The following UVRAG variants were observed in gnomAD, a reference collection of about 807,000 sequenced individuals.
UVRAG encodes the protein UV radiation resistance-associated gene protein.
UVRAG carries 19 observed loss-of-function variants against 78.0 expected under a neutral mutation model. The observed-to-expected ratio is 0.24, with a 90% confidence interval of 0.17 to 0.36. The LOEUF (loss-of-function observed/expected upper bound fraction) is 0.36, where lower values mean the gene tolerates loss of function less well. Among genes scored for constraint, UVRAG ranks in the 10% least tolerant of loss-of-function variants. The pLI, the probability that UVRAG is intolerant of heterozygous loss-of-function variation, is 1.00. For missense variants in UVRAG, 740 were observed against 853.8 expected, an observed-to-expected ratio of 0.87 and a Z score of 1.66; for synonymous variants, 323 against 324.6, an observed-to-expected ratio of 1.00 and a Z score of 0.05.
intron 6 of UVRAG, among the ~76,000 whole-genome samples, chr11:75,951,315 A>G (rs1275458406): frequency 3.5e-5 from 5 of 143,748 alleles, no homozygotes; most frequent in Admixed American, 7.2e-5. Flanking sequence ...GATTCTTTCT[A>G]TAATCTGAAA....
Position 75,926,769 on chromosome 11 carries a change from C to G in UVRAG, c.593+14730C>G, listed in dbSNP as rs139386571. 2.9e-3 allele frequency among the ~76,000 whole-genome samples: 440 copies of G among 151,036 alleles called. 5 individuals carry two copies. The highest frequency in any genetic ancestry group is 0.01 in the African/African-American group (423 of 41,134). On this transcript the variant is annotated intron_variant, in intron 6 of 14. Transcript: ENST00000356136. Reference sequence around the variant, plus strand: ...TGATTTTAAAGCAGTCATGTAAAGACTAGTTGGGAATAGAGGATATTTAGA... The same window carrying G: ...TGATTTTAAAGCAGTCATGTAAAGAGTAGTTGGGAATAGAGGATATTTAGA...
chr11:75,904,037 T>C (rs973598660), intron 5 of UVRAG, among the ~76,000 whole-genome samples: 2 of 152,216 alleles, frequency 1.3e-5, no homozygotes, highest in African/African-American at 4.8e-5. Flanking sequence ...TATTTTTGTA[T>C]AGCTTGCGAC....
intron 6 of UVRAG, among the ~76,000 whole-genome samples, chr11:75,923,361 G>A (rs1193387278): frequency 6.6e-6 from 1 of 152,018 alleles, no homozygotes; most frequent in East Asian, 1.9e-4. Flanking sequence ...TGTTGTTATG[G>A]GGGGAGGTAT....
chr11:76,112,397 T>C (rs1952091100), intron 13 of UVRAG, among the ~76,000 whole-genome samples: 1 of 152,174 alleles, frequency 6.6e-6, no homozygotes, highest in Non-Finnish European at 1.5e-5. Context: ...ATTCAGGGTG[T>C]CATGAAAGTT....
chr11:75,859,919 T>C (rs1019714864), intron 2 of UVRAG, among the ~76,000 whole-genome samples: 11 of 152,194 alleles, frequency 7.2e-5, no homozygotes, highest in Non-Finnish European at 1.5e-4. Context: ...ATTGTTTTGT[T>C]TGATTTATTC....
intron 14 of UVRAG, among the ~76,000 whole-genome samples, chr11:76,134,398 G>A (rs1241195577): frequency 5.3e-5 from 8 of 151,872 alleles, no homozygotes; most frequent in Non-Finnish European, 8.8e-5. Context: ...CTAAGTGCTG[G>A]GACTACAGAC....
intron 7 of UVRAG, among the ~76,000 whole-genome samples, chr11:75,970,233 A>G (rs1949098123): frequency 6.6e-6 from 1 of 152,210 alleles, no homozygotes; most frequent in Non-Finnish European, 1.5e-5. Flanking sequence ...GGAGAAAAAA[A>G]GAGGCTGAGT....
intron 3 of UVRAG, among the ~76,000 whole-genome samples, chr11:75,865,776 G>A (rs553447342): frequency 1.3e-5 from 2 of 152,010 alleles, no homozygotes; most frequent in South Asian, 2.1e-4. Context: ...CAGCATGCCC[G>A]GCTAATTTTT....
chr11:76,099,272 C>T (rs896376133), intron 13 of UVRAG, among the ~76,000 whole-genome samples: 1 of 152,198 alleles, frequency 6.6e-6, no homozygotes, highest in African/African-American at 2.4e-5. Context: ...GAAGCATTTA[C>T]AGTCGTCTTG....
intron 12 of UVRAG, among the ~76,000 whole-genome samples, chr11:76,060,003 T>C (rs150447212): frequency 6.6e-5 from 10 of 152,362 alleles, no homozygotes; most frequent in African/African-American, 2.4e-4. Flanking sequence ...TGTGAGGCTC[T>C]GAAGGTGAAG....
chr11:76,100,101 G>A (rs1951852733), intron 13 of UVRAG, among the ~76,000 whole-genome samples: 1 of 152,068 alleles, frequency 6.6e-6, no homozygotes, highest in Non-Finnish European at 1.5e-5. Flanking sequence ...TAATTGTCCA[G>A]TCTGCTTTCC....
chr11:76,020,624 C>T (rs1344299253), intron 12 of UVRAG, among the ~76,000 whole-genome samples: 1 of 147,786 alleles, frequency 6.8e-6, no homozygotes, highest in African/African-American at 2.5e-5. Context: ...AGTCTCCCTT[C>T]TCCCAACAAG....
chr11:75,999,553 G>A (rs1047408380), intron 8 of UVRAG, among the ~76,000 whole-genome samples: 7 of 151,782 alleles, frequency 4.6e-5, no homozygotes, highest in Non-Finnish European at 8.8e-5. Flanking sequence ...GCTAATTTTT[G>A]TATTTTTAGT....
chr11:76,078,752 CAAAA>C (rs61700855), intron 13 of UVRAG, among the ~76,000 whole-genome samples: 1,886 of 37,184 alleles, frequency 0.051, 37 homozygotes, highest in African/African-American at 0.12. Context: ...ACTAAAAATA[CAAAA>C]AAAAAAAAAA....
At chr11:76,068,557 TG>T (rs1212743080) in intron 13 of UVRAG, among the ~76,000 whole-genome samples, 9 of 152,202 alleles carry the variant, frequency 5.9e-5, no homozygotes, top group African/African-American at 2.2e-4. Context: ...TCTTAAAAAC[TG>T]GCTTTTTTAT....
intron 6 of UVRAG, among the ~76,000 whole-genome samples, chr11:75,915,372 T>G (rs1399477342): frequency 6.6e-6 from 1 of 152,224 alleles, no homozygotes; most frequent in African/African-American, 2.4e-5. Context: ...ATTTCAGTGT[T>G]GCCAAAGATT....
chr11:76,098,059 TG>T (rs1198653547), intron 13 of UVRAG, among the ~76,000 whole-genome samples: 3 of 152,148 alleles, frequency 2.0e-5, no homozygotes, highest in Middle Eastern at 3.2e-3. Flanking sequence ...TTTGTTTGTT[TG>T]TTTTTTTGTT....
chr11:75,820,561 G>A (rs961071376), intron 1 of UVRAG, among the ~76,000 whole-genome samples: 4 of 151,812 alleles, frequency 2.6e-5, no homozygotes, highest in African/African-American at 9.7e-5. Context: ...TGCCATGTTG[G>A]CCAGGCTGGT....
At chr11:75,957,587 G>T in intron 6 of UVRAG, among the ~76,000 whole-genome samples, 1 of 151,818 alleles carries the variant, frequency 6.6e-6, no homozygotes, top group Non-Finnish European at 1.5e-5. Context: ...AAATCCTTTG[G>T]GACCGTGATT....
Sources: allele counts gnomAD v4.1 joint callset (sites outside exome capture counted in the v4.1 genomes callset), GRCh38; gene constraint gnomAD v4.1.1; transcripts MANE v1.5; gene names NCBI Gene and HGNC (gene_info 2026-07-23, HGNC 2026-07-21).